HSPA8: variants seen among roughly 807,000 people sequenced by gnomAD.
The protein encoded by HSPA8 is heat shock protein family A (Hsp70) member 8.
In HSPA8, 2 loss-of-function variants were observed where a neutral mutation model predicts 52.8. The observed-to-expected ratio is 0.04, with a 90% confidence interval of 0.02 to 0.12. The LOEUF (loss-of-function observed/expected upper bound fraction) is 0.12. Among genes scored for constraint, HSPA8 ranks in the 10% least tolerant of loss-of-function variants. The pLI is 1.00. For synonymous variants in HSPA8, 436 were observed against 274.0 expected (o/e 1.59, Z -5.84); for missense variants, 349 against 800.5 (o/e 0.44, Z 6.81).
In HSPA8 at chr11:123,058,882, T is replaced by C. The variant is rs752441020; in HGVS notation, c.1324-52A>G. ...ACAATGGACTCCAGGTCTGTGACAG[T>C]GCTAGGGTCCTGCTAAGGAAGAATG... On this transcript the variant is annotated intron_variant, in intron 6 of 8. Transcript: ENST00000534624. 1.3e-5 allele frequency: 20 copies of C among 1,543,720 alleles called. 1 individual carries two copies. The highest frequency in any genetic ancestry group is 1.7e-5 in the Non-Finnish European group (19 of 1,117,682).
At chr11:123,057,970 CTT>C (rs755277150) in intron 8 of HSPA8, 51 bp from the exon 9 acceptor site, 1 of 1,396,462 alleles carries the variant, frequency 7.2e-7, no homozygotes, top group Non-Finnish European at 9.8e-7. Context: ...GTTAATAACC[CTT>C]CTTTCTCCCT....
chr11:123,057,758 C>A lies in HSPA8; in HGVS notation c.1917G>T (p.Gly639=), dbSNP rs533413759. The change falls in exon 9 of 9, where the codon GGG becomes GGT. Residue 639 remains glycine (G), a synonymous_variant. Transcript: ENST00000534624. ...CTTAATCAACCTCTTCAATGGTGGG[C>A]CCTGAGGAAGCACCACCAGAGGGAG... ...GAPPSGGASS[G]PTIEEVD is the part of the protein sequence containing the mutation. 6 of 1,612,728 alleles carry A rather than the reference C, an allele frequency of 3.7e-6. No homozygotes were observed. The East Asian group carries it at 1.3e-4, about 36-fold the overall frequency.
rs1865366403 is a variant in HSPA8, at chr11:123,058,150, T to TC, written c.1755+101dup. ...GGAAACCGCGAATGTTTTGGACCAT[T>TC]CATCATTGTGACCCTACACTGAAAT... On this transcript the variant is annotated intron_variant, in intron 8 of 8. Coordinates refer to ENST00000534624, the MANE Select transcript of HSPA8 (RefSeq NM_006597.6). 4.8e-6 allele frequency: 4 copies of TC among 827,074 alleles called. No individual in the cohort carries two copies. The Admixed American group carries it at 9.3e-5, about 19-fold the overall frequency. 51.2% of individuals were successfully genotyped at this position (827,074 alleles called of 1,614,324 possible). A position where few individuals can be genotyped will look rare whatever the true frequency, so the allele number is the denominator to read the frequency against.
chr11:123,059,813 T>C lies in HSPA8; in HGVS notation c.780A>G (p.Val260=). The change falls in exon 5 of 9, where the codon GTA becomes GTG. Residue 260 remains valine (V), a synonymous_variant. Transcript: ENST00000534624. ...KKDISENKRA[V]RRLRTACERA... is the part of the protein sequence containing the mutation. The stretch of plus-strand genomic sequence containing the variant: ...GTTCACAAGCAGTACGGAGGCGTCT[T>C]ACAGCTCTCTTGTTCTCACTGATGT... 6.2e-7 allele frequency: 1 copy of C among 1,613,808 alleles called. No homozygotes were observed. Among genetic ancestry groups the C allele is most frequent in the Non-Finnish European group, 8.5e-7 (1 of 1,179,846 alleles).
intron 1 of HSPA8, chr11:123,061,682 C>A: frequency 3.2e-6 from 1 of 316,470 alleles, no homozygotes; most frequent in Non-Finnish European, 6.1e-6. Context: ...TACCCCCATA[C>A]TGGAAGCACG....
chr11:123,058,889 G>A lies in HSPA8; in HGVS notation c.1324-59C>T, dbSNP rs114271013. The A allele has an allele frequency of 5.8e-4, 875 of 1,520,868 alleles. 5 individuals are homozygous for A. In the African/African-American group the frequency reaches 0.011, roughly 19 times the overall value. 94.2% of individuals were successfully genotyped at this position (1,520,868 alleles called of 1,614,324 possible). On this transcript the variant is annotated intron_variant, in intron 6 of 8. Coordinates refer to ENST00000534624, the MANE Select transcript of HSPA8 (RefSeq NM_006597.6). ...ACTCCAGGTCTGTGACAGTGCTAGGGTCCTGCTAAGGAAGAATGGTCGCTC... is the reference window on the plus strand; with the variant it reads ...ACTCCAGGTCTGTGACAGTGCTAGGATCCTGCTAAGGAAGAATGGTCGCTC...
At chr11:123,059,016 A>C in intron 6 of HSPA8, 43 bp downstream of exon 6, 1 of 1,543,626 alleles carries the variant, frequency 6.5e-7, no homozygotes, top group Non-Finnish European at 9.0e-7. Context: ...ACTTCCCTTT[A>C]TCTGTTATCA....
Position 123,058,994 on chromosome 11 carries a change from G to T in HSPA8, c.1323+65C>A, listed in dbSNP as rs916360248. Reference sequence around the variant, plus strand: ...TGGTTTTGGAATCCATCATCATAGCGAGTCAGTCAAGACTTCCCTTTATCT... The same window carrying T: ...TGGTTTTGGAATCCATCATCATAGCTAGTCAGTCAAGACTTCCCTTTATCT... On this transcript the variant is annotated intron_variant, in intron 6 of 8. Transcript: ENST00000534624. The T allele has an allele frequency of 4.1e-6, 6 of 1,472,350 alleles. No individual in the cohort carries two copies. The Admixed American group carries it at 5.1e-5, about 12-fold the overall frequency. 91.2% of individuals were successfully genotyped at this position (1,472,350 alleles called of 1,614,324 possible).
intron 8 of HSPA8, 72 bp downstream of exon 8, chr11:123,058,180 C>T: frequency 1.0e-6 from 1 of 988,568 alleles, no homozygotes; most frequent in Non-Finnish European, 1.6e-6. Context: ...TGAAATCCAG[C>T]TCAAGCTTGG....
chr11:123,059,545 G>A lies in HSPA8; in HGVS notation c.1048C>T (p.Leu350Phe), dbSNP rs1410331792. The change falls in exon 5 of 9, where the codon CTC (leucine) becomes TTC (phenylalanine). Residue 350 changes from leucine to phenylalanine, a missense_variant. Coordinates refer to ENST00000534624, the MANE Select transcript of HSPA8 (RefSeq NM_006597.6). ...STRIPKIQKLLQDFFNGKELN... is the reference protein window; with the variant it reads ...STRIPKIQKLFQDFFNGKELN... ...TCTTTTCCATTGAAGAAGTCTTGGA[G>A]AAGCTTCTGAATCTTGGGGATACGA... is the stretch of plus-strand genomic sequence containing the variant. 6.2e-7 allele frequency: 1 copy of A among 1,613,884 alleles called. No homozygotes were observed. Among genetic ancestry groups the A allele is most frequent in the African/African-American group, 1.3e-5 (1 of 74,912 alleles).
rs765736915 is a variant in HSPA8 at position 123,060,283 on chromosome 11, A to G, written c.412-15T>C. ...TTGGTAACAGTCTAGGAATAAGGAA[A>G]AGACCACAGATTGGTAACTATTATA... On this transcript the variant is annotated splice_polypyrimidine_tract_variant and intron_variant, in intron 3 of 8. Coordinates refer to ENST00000534624, the MANE Select transcript of HSPA8 (RefSeq NM_006597.6). 34 of 1,611,148 alleles carry G rather than the reference A, an allele frequency of 2.1e-5. No homozygotes were observed. Among genetic ancestry groups the G allele is most frequent in the Non-Finnish European group, 2.8e-5 (33 of 1,178,962 alleles).
chr11:123,058,572 C>CCA, intron 7 of HSPA8, 60 bp downstream of exon 7: 1 of 1,571,836 alleles, frequency 6.4e-7, no homozygotes, highest in Non-Finnish European at 8.8e-7. Context: ...CCCTTAGGCA[C>CCA]CAGTAACTCA....
chr11:123,058,605 C>T, intron 7 of HSPA8, 27 bp downstream of exon 7: 3 of 1,601,154 alleles, frequency 1.9e-6, no homozygotes, highest in Non-Finnish European at 2.6e-6. Context: ...TTATCCCTGT[C>T]AAGACCAGAT....
In HSPA8 at chr11:123,061,710, G is replaced by A. The variant is rs142283620; in HGVS notation, c.-6+354C>T. The A allele has an allele frequency of 3.9e-3, 1,060 of 272,600 alleles. 8 individuals carry two copies. Among genetic ancestry groups the A allele is most frequent in the African/African-American group, 0.022 (1,012 of 45,310 alleles). 16.9% of individuals were successfully genotyped at this position (272,600 alleles called of 1,614,324 possible). A position where few individuals can be genotyped will look rare whatever the true frequency, so the allele number is the denominator to read the frequency against. ...GAAGCACGCCAAGAACAGCTCTGAA[G>A]AACCACGGTGGGACTGGACTAAGCA... On this transcript the variant is annotated intron_variant, in intron 1 of 8. Transcript: ENST00000534624.
Position 123,060,711 on chromosome 11 carries a change from G to A in HSPA8, c.293C>T (p.Ala98Val). The change falls in exon 3 of 9, where the codon GCT becomes GTT. Residue 98 changes from alanine (A) to valine (V), a missense_variant. By Grantham distance (64) the Ala-to-Val change is moderately conservative (BLOSUM62 0). Coordinates refer to ENST00000534624, the MANE Select transcript of HSPA8 (RefSeq NM_006597.6). ...TTCTACTTGGACCTTGGGCCTGCCA[G>A]CATCATTCACCACCATAAAGGGCCA... is the stretch of plus-strand genomic sequence containing the variant. ...KHWPFMVVND[A>V]GRPKVQVEYK... The A allele has an allele frequency of 1.2e-6, 2 of 1,613,690 alleles. No homozygotes were observed. Among genetic ancestry groups the A allele is most frequent in the South Asian group, 1.1e-5 (1 of 91,074 alleles).
intron 1 of HSPA8, 39 bp from the exon 2 acceptor site, chr11:123,061,368 T>C (rs1001113413): frequency 1.2e-5 from 18 of 1,459,542 alleles, no homozygotes; most frequent in Non-Finnish European, 1.6e-5. Context: ...ATTCAATTAA[T>C]CAAAATATTT....
Position 123,058,747 on chromosome 11 carries a change from T to G in HSPA8, c.1407A>C (p.Arg469=). The change falls in exon 7 of 9, where the codon CGA becomes CGC. Residue 469 remains arginine, a synonymous_variant. Transcript: ENST00000534624. ...FELTGIPPAP[R]GVPQIEVTFD... is the part of the protein sequence containing the mutation. ...AAGTGACTTCAATCTGAGGAACACC[T>G]CGGGGTGCAGGAGGTATGCCTGTGA... is the stretch of plus-strand genomic sequence containing the variant. 1 of 1,614,056 alleles carries G rather than the reference T, an allele frequency of 6.2e-7. No homozygotes were observed. Among genetic ancestry groups the G allele is most frequent in the Middle Eastern group, 1.7e-4 (1 of 6,048 alleles).
rs1272768450 is a variant in HSPA8, at chr11:123,057,542, A to C, written c.*192T>G. The C allele has an allele frequency of 1.0e-5, 5 of 492,052 alleles. No individual in the cohort carries two copies. In the East Asian group the frequency reaches 1.7e-4, roughly 17 times the overall value. The allele number at this position is 492,052 out of a possible 1,614,324, so 30.5% of individuals were successfully genotyped here. A position where few individuals can be genotyped will look rare whatever the true frequency, so the allele number is the denominator to read the frequency against. On this transcript the variant is annotated 3_prime_UTR_variant, in exon 9 of 9. Transcript: ENST00000534624. ...ATTTAAGACATTGCATTTTCCACTT[A>C]CAATACAGTGTTTATAAAGTGCAAT...
Position 123,058,176 on chromosome 11 carries a change from C to A in HSPA8, c.1755+76G>T, listed in dbSNP as rs1254291223. ...CATCATTGTGACCCTACACTGAAAT[C>A]CAGCTCAAGCTTGGTTTACCATCCC... On this transcript the variant is annotated intron_variant, in intron 8 of 8. Transcript: ENST00000534624. 3.1e-6 allele frequency: 3 copies of A among 966,974 alleles called. No individual in the cohort carries two copies. In the East Asian group the frequency reaches 7.2e-5, roughly 23 times the overall value. 59.9% of individuals were successfully genotyped at this position (966,974 alleles called of 1,614,324 possible). A position where few individuals can be genotyped will look rare whatever the true frequency, so the allele number is the denominator to read the frequency against.
Sources: allele counts gnomAD v4.1 joint callset, GRCh38; gene constraint gnomAD v4.1.1; transcripts MANE v1.5; gene names NCBI Gene and HGNC (gene_info 2026-07-23, HGNC 2026-07-21).